RXRA: variants seen among roughly 807,000 people sequenced by gnomAD.
RXRA encodes the protein retinoid X receptor alpha, also known as retinoic acid receptor RXR-alpha.
Under a neutral mutation model 44.5 loss-of-function variants are expected in RXRA, and 5 were observed. The ratio of observed to expected loss-of-function variants is 0.11; its 90% CI spans 0.06 to 0.24. The LOEUF is 0.24. Among genes scored for constraint, RXRA ranks in the 10% least tolerant of loss-of-function variants. The pLI is 1.00. For missense variants in RXRA, 412 were observed against 646.5 expected (o/e 0.64, Z 3.93); for synonymous variants, 291 against 271.4 (o/e 1.07, Z -0.71).
intron 1 of RXRA, among the ~76,000 whole-genome samples, chr9:134,392,777 C>T (rs1039742853): frequency 3.9e-5 from 6 of 152,188 alleles, no homozygotes; most frequent in African/African-American, 1.4e-4. Context: ...CCCCTGGGTT[C>T]AGGACTTCAT....
chr9:134,389,213 C>T (rs974066507), intron 1 of RXRA, among the ~76,000 whole-genome samples: 2 of 152,224 alleles, frequency 1.3e-5, no homozygotes, highest in African/African-American at 2.4e-5. Flanking sequence ...CCCGTTTTCC[C>T]GGATTTGTCA....
At chr9:134,380,078 C>T (rs1338438624) in intron 1 of RXRA, 1 of 985,354 alleles carries the variant, frequency 1.0e-6, no homozygotes, top group Admixed American at 6.1e-5. Context: ...CCCTGCAGCC[C>T]CTCTGTTGTC....
rs559603131 is a variant in RXRA at position 134,426,004 on chromosome 9, G to A, written c.911-3104G>A. On this transcript the variant is annotated intron_variant, in intron 6 of 9. Coordinates refer to ENST00000481739, the MANE Select transcript of RXRA (RefSeq NM_002957.6). The surrounding 1 kb of genome is among the most constrained non-coding windows in gnomAD (Gnocchi z 4.6). Reference sequence around the variant, plus strand: ...CCCTTGACTCTGTGCTGTTCCTTCCGGAAGCGCTGTCCAGGGGTCCTGCAA... The same window carrying A: ...CCCTTGACTCTGTGCTGTTCCTTCCAGAAGCGCTGTCCAGGGGTCCTGCAA... 17 of 985,150 alleles carry A rather than the reference G, an allele frequency of 1.7e-5. No homozygotes were observed. The highest frequency in any genetic ancestry group is 5.2e-5 in the African/African-American group (3 of 57,180). 61.0% of individuals were successfully genotyped at this position (985,150 alleles called of 1,614,324 possible). A position where few individuals can be genotyped will look rare whatever the true frequency, so the allele number is the denominator to read the frequency against.
Position 134,417,412 on chromosome 9 carries a change from G to A in RXRA, c.780+85G>A, listed in dbSNP as rs983450284. 3 of 1,490,892 alleles carry A rather than the reference G, an allele frequency of 2.0e-6. No individual in the cohort carries two copies. The highest frequency in any genetic ancestry group is 1.9e-5 in the Admixed American group (1 of 53,638). The allele number at this position is 1,490,892 out of a possible 1,614,324, so 92.4% of individuals were successfully genotyped here. On this transcript the variant is annotated intron_variant, in intron 5 of 9. Transcript: ENST00000481739. The surrounding 1 kb of genome is among the most constrained non-coding windows in gnomAD (Gnocchi z 6.1). ...TCACCCTCCCACCTGAGCAGCTGAT[G>A]AGCCAGAGAGGTCCTGGGGGCTGCC...
rs576134150 is a variant in RXRA, at chr9:134,397,027, C to T, written c.29-4605C>T. 8.5e-5 allele frequency among the ~76,000 whole-genome samples: 13 copies of T among 152,364 alleles called. No homozygotes were observed. In the South Asian group the frequency reaches 1.4e-3, roughly 17 times the overall value. On this transcript the variant is annotated intron_variant, in intron 1 of 9. Coordinates refer to ENST00000481739, the MANE Select transcript of RXRA (RefSeq NM_002957.6). The stretch of plus-strand genomic sequence containing the variant: ...TTCCTGCCACCTTCTCTGCCTCCCC[C>T]GCCTGCCAGGCAGAGGCCGGAAGGG...
At position 134,343,723 on chromosome 9, in the gene RXRA, A is replaced by G. The variant is rs1388841558; in HGVS notation, c.28+17064A>G. 6.6e-6 allele frequency among the ~76,000 whole-genome samples: 1 copy of G among 152,042 alleles called. No homozygotes were observed. Among genetic ancestry groups the G allele is most frequent in the Non-Finnish European group, 1.5e-5 (1 of 67,974 alleles). On this transcript the variant is annotated intron_variant, in intron 1 of 9. Transcript: ENST00000481739. This position sits in a 1 kb window ranked among gnomAD's most constrained non-coding sequence, Gnocchi z 4.1. ...CTGCCACGGGCCTGGGGGCCTCGGG[A>G]CCAACCCTCCATCCGCCCGTCCCCA... is the stretch of plus-strand genomic sequence containing the variant.
At position 134,371,811 on chromosome 9, in the gene RXRA, C is replaced by T. The variant is rs148069085; in HGVS notation, c.29-29821C>T. Among the ~76,000 whole-genome samples, 1,097 of 152,340 alleles carry T rather than the reference C, an allele frequency of 7.2e-3. 15 individuals carry two copies. The highest frequency in any genetic ancestry group is 0.025 in the African/African-American group (1,036 of 41,586). The stretch of plus-strand genomic sequence containing the variant: ...CAGCCATGGGTGCGCGAGTGCAGGG[C>T]CGGGCCTGTCTCCTCCGGGCGGCGT... On this transcript the variant is annotated intron_variant, in intron 1 of 9. Transcript: ENST00000481739.
chr9:134,352,045 G>A (rs1185156617), intron 1 of RXRA, among the ~76,000 whole-genome samples: 1 of 152,214 alleles, frequency 6.6e-6, no homozygotes, highest in African/African-American at 2.4e-5. Context: ...AGGGCGGCTC[G>A]GGGCAGCCCG....
chr9:134,330,660 AGGT>A (rs1449835669), intron 1 of RXRA, among the ~76,000 whole-genome samples: 2 of 151,778 alleles, frequency 1.3e-5, no homozygotes, highest in Admixed American at 6.6e-5. Context: ...TGCAGGATGG[AGGT>A]GGTGGTGGTT....
chr9:134,425,705 C>T (rs886379077), intron 6 of RXRA: 1 of 985,202 alleles, frequency 1.0e-6, no homozygotes, highest in East Asian at 1.1e-4. Flanking sequence ...TTAATCCTGC[C>T]CACATCTCTG....
At chr9:134,395,548 G>T (rs960263547) in intron 1 of RXRA, among the ~76,000 whole-genome samples, 1 of 152,228 alleles carries the variant, frequency 6.6e-6, no homozygotes, top group Non-Finnish European at 1.5e-5. Flanking sequence ...ACACCTTGGT[G>T]TGCCAGGCCC....
At position 134,438,014 on chromosome 9, in the gene RXRA, G is replaced by GCGGGGCCCTCTCAGGTTGAACT. The variant is rs1564302484; in HGVS notation, c.*1403_*1424dup. The GCGGGGCCCTCTCAGGTTGAACT allele has an allele frequency of 6.6e-6, 1 of 152,600 alleles. No homozygotes were observed. The highest frequency in any genetic ancestry group is 2.4e-5 in the African/African-American group (1 of 41,432). The allele number at this position is 152,600 out of a possible 1,614,324, so 9.5% of individuals were successfully genotyped here. ...GGCTCTGCCCCCGGGCTCCGGTGGT[G>GCGGGGCCCTCTCAGGTTGAACT]CGGGGCCCTCTCAGGTTGAACTCGC... On this transcript the variant is annotated 3_prime_UTR_variant, in exon 10 of 10. Coordinates refer to ENST00000481739, the MANE Select transcript of RXRA (RefSeq NM_002957.6).
chr9:134,435,414 C>T (rs1831603189), intron 9 of RXRA, among the ~76,000 whole-genome samples: 1 of 146,640 alleles, frequency 6.8e-6, no homozygotes, highest in Non-Finnish European at 1.5e-5. Context: ...CTGGTCCCTG[C>T]CCCAGGAAAC....
intron 1 of RXRA, among the ~76,000 whole-genome samples, chr9:134,330,095 AT>A (rs1273116357): frequency 6.6e-6 from 1 of 152,098 alleles, no homozygotes; most frequent in Non-Finnish European, 1.5e-5. Context: ...CATGGGTCAA[AT>A]GTTTCAGGGC....
At chr9:134,401,451 G>A in intron 1 of RXRA, 181 bp from the exon 2 acceptor site, 1 of 918,420 alleles carries the variant, frequency 1.1e-6, no homozygotes, top group Middle Eastern at 3.3e-4. Flanking sequence ...GGAGCTCTGG[G>A]CACACCTGGC....
intron 1 of RXRA, among the ~76,000 whole-genome samples, chr9:134,352,154 G>A (rs1304578674): frequency 6.6e-6 from 1 of 152,190 alleles, no homozygotes; most frequent in Non-Finnish European, 1.5e-5. Context: ...CATGGGATGA[G>A]GATGACAGCG....
intron 1 of RXRA, among the ~76,000 whole-genome samples, chr9:134,385,387 CGAGGCGGGTTCCATCCA>C (rs768329872): frequency 2.0e-5 from 3 of 152,198 alleles, no homozygotes; most frequent in Admixed American, 6.5e-5. Flanking sequence ...TCAAGCCTCT[CGAGGCGGGTTCCATCCA>C]GAGCTGCTCA....
intron 1 of RXRA, among the ~76,000 whole-genome samples, chr9:134,352,483 C>T (rs760349999): frequency 6.6e-6 from 1 of 152,270 alleles, no homozygotes; most frequent in South Asian, 2.1e-4. Flanking sequence ...TCCTGCCCTC[C>T]CTGCCTCGCC....
chr9:134,419,642 G>A (rs1022562883), intron 5 of RXRA, among the ~76,000 whole-genome samples: 2 of 152,212 alleles, frequency 1.3e-5, no homozygotes, highest in South Asian at 2.1e-4. Context: ...GGGTCCTGTG[G>A]ACACTTCTAG....
Sources: gnomAD v4.1 joint callset for allele counts (sites outside exome capture counted in the v4.1 genomes callset) on GRCh38, gnomAD v4.1.1 for gene constraint, Gnocchi (gnomAD v3.1) non-coding constraint, MANE v1.5 for transcripts, NCBI Gene and HGNC (gene_info 2026-07-23, HGNC 2026-07-21) for gene names.